FXYD6: variants seen among roughly 807,000 people sequenced by gnomAD.
FXYD6 encodes the protein FXYD domain containing ion transport regulator 6.
Under a neutral mutation model 16.7 loss-of-function variants are expected in FXYD6, and 7 were observed. The observed-to-expected ratio is 0.42, with a 90% CI of 0.24 to 0.79. The LOEUF is 0.79. Among genes scored for constraint, FXYD6 ranks in the 30% least tolerant of loss-of-function variants. The pLI, the probability that FXYD6 is intolerant of heterozygous loss-of-function variation, is 0.28. For synonymous variants in FXYD6, 49 were observed against 43.0 expected (o/e 1.14, Z -0.54); for missense variants, 111 against 116.2 (o/e 0.95, Z 0.21).
Position 117,872,508 on chromosome 11 carries a change from C to A in FXYD6, c.-6+4084G>T, listed in dbSNP as rs1046164559. Among the ~76,000 whole-genome samples the A allele has an allele frequency of 6.6e-6, 1 of 152,174 alleles. No individual in the cohort carries two copies. Among genetic ancestry groups the A allele is most frequent in the Non-Finnish European group, 1.5e-5 (1 of 68,022 alleles). On this transcript the variant is annotated intron_variant, in intron 1 of 7. Coordinates refer to ENST00000526014, the MANE Select transcript of FXYD6 (RefSeq NM_022003.4). The surrounding 1 kb of genome is among the most constrained non-coding windows in gnomAD (Gnocchi z 4.9). ...GGGGAACATTTATTAAAAGGATGAA[C>A]GAGGGAGTTTGAAACCTTAGCCTCT...
At chr11:117,839,986 G>A in intron 6 of FXYD6, 156 bp from the exon 7 acceptor site, 1 of 895,494 alleles carries the variant, frequency 1.1e-6, no homozygotes. Flanking sequence ...TCCTGGCCCT[G>A]CTACTTGCTG....
At position 117,841,092 on chromosome 11, in the gene FXYD6, C is replaced by T. The variant is rs2056330076; in HGVS notation, c.209+56G>A. 1.4e-5 allele frequency: 22 copies of T among 1,608,602 alleles called. No individual in the cohort carries two copies. In the South Asian group the frequency reaches 1.9e-4, roughly 14 times the overall value. On this transcript the variant is annotated intron_variant, in intron 5 of 7. Transcript: ENST00000526014. ...CATTTGGGGGTCACACACCAGGGGT[C>T]CCTTCCTGTCCCACCTAGTATCACC... is the stretch of plus-strand genomic sequence containing the variant.
chr11:117,852,764 T>G (rs1482134664), intron 1 of FXYD6, among the ~76,000 whole-genome samples: 1 of 152,248 alleles, frequency 6.6e-6, no homozygotes, highest in Non-Finnish European at 1.5e-5. Context: ...TAGAAGCAGG[T>G]TAGACATCCT....
rs1406023038 is a variant in FXYD6 at position 117,870,617 on chromosome 11, T to C, written c.-6+5975A>G. 1.3e-5 allele frequency among the ~76,000 whole-genome samples: 2 copies of C among 152,206 alleles called. No homozygotes were observed. The highest frequency in any genetic ancestry group is 4.8e-5 in the African/African-American group (2 of 41,458). On this transcript the variant is annotated intron_variant, in intron 1 of 7. Transcript: ENST00000526014. This position sits in a 1 kb window ranked among gnomAD's most constrained non-coding sequence, Gnocchi z 4.2. ...CTACAGGGCACTTTGCACAATTTCA[T>C]ATTGTCTCCCTTTTAGGGGTAGAAG...
At chr11:117,866,897 C>T (rs1024223665) in intron 1 of FXYD6, among the ~76,000 whole-genome samples, 4 of 152,168 alleles carry the variant, frequency 2.6e-5, no homozygotes, top group African/African-American at 9.7e-5. Context: ...TCTGGTATGG[C>T]TCAGAATTAG....
chr11:117,849,536 CT>C (rs60624638), intron 1 of FXYD6, among the ~76,000 whole-genome samples: 6,054 of 142,070 alleles, frequency 0.043, 203 homozygotes, highest in African/African-American at 0.098. Context: ...GTTTAAATTT[CT>C]TTTTTTTTTT....
At chr11:117,848,828 C>G (rs1356387707) in intron 1 of FXYD6, among the ~76,000 whole-genome samples, 2 of 152,078 alleles carry the variant, frequency 1.3e-5, no homozygotes, top group Non-Finnish European at 2.9e-5. Flanking sequence ...CTGTTTTTTT[C>G]ATTCCTAATG....
rs1350517507 is a variant in FXYD6 at position 117,870,734 on chromosome 11, T to C, written c.-6+5858A>G. 6.6e-6 allele frequency among the ~76,000 whole-genome samples: 1 copy of C among 152,222 alleles called. No individual in the cohort carries two copies. Among genetic ancestry groups the C allele is most frequent in the African/African-American group, 2.4e-5 (1 of 41,450 alleles). On this transcript the variant is annotated intron_variant, in intron 1 of 7. Transcript: ENST00000526014. The surrounding 1 kb of genome is among the most constrained non-coding windows in gnomAD (Gnocchi z 4.2). ...GGGGCTGTTGACCTGACTCTGTCTC[T>C]GTTTCAGGAAACACATTATCCCCTC...
intron 1 of FXYD6, among the ~76,000 whole-genome samples, chr11:117,868,615 A>C (rs914378241): frequency 5.9e-5 from 9 of 152,188 alleles, no homozygotes; most frequent in African/African-American, 2.2e-4. Context: ...AAAGGACATA[A>C]GGTACAAACG....
At chr11:117,839,030 G>A (rs927813668) in intron 7 of FXYD6, 1 of 153,192 alleles carries the variant, frequency 6.5e-6, no homozygotes, top group Non-Finnish European at 1.5e-5. Context: ...TCCAGGGCAT[G>A]TCATAAAGCG....
At chr11:117,840,890 C>T (rs567262732) in intron 5 of FXYD6, among the ~76,000 whole-genome samples, 65 of 152,164 alleles carry the variant, frequency 4.3e-4, no homozygotes, top group African/African-American at 1.5e-3. Context: ...AGAAAAGGTT[C>T]CAGTACTTTC....
chr11:117,852,121 C>A (rs2056623845), intron 1 of FXYD6, among the ~76,000 whole-genome samples: 1 of 152,246 alleles, frequency 6.6e-6, no homozygotes, highest in South Asian at 2.1e-4. Context: ...AACCTCAGTT[C>A]TTCTACCACA....
chr11:117,840,647 C>G (rs74331448), intron 5 of FXYD6, among the ~76,000 whole-genome samples: 1,774 of 152,274 alleles, frequency 0.012, 40 homozygotes, highest in African/African-American at 0.039. Context: ...CTGCCACACG[C>G]TTTGGACTTC....
At chr11:117,866,952 G>T (rs2057025929) in intron 1 of FXYD6, among the ~76,000 whole-genome samples, 1 of 152,146 alleles carries the variant, frequency 6.6e-6, no homozygotes, top group African/African-American at 2.4e-5. Flanking sequence ...ACTCAAAAAT[G>T]TATCTGCCTC....
intron 1 of FXYD6, among the ~76,000 whole-genome samples, chr11:117,866,884 T>G (rs542245333): frequency 4.7e-4 from 72 of 152,304 alleles, no homozygotes; most frequent in Non-Finnish European, 8.8e-4. Context: ...GATCACCTTT[T>G]TTTCTGGTAT....
intron 1 of FXYD6, among the ~76,000 whole-genome samples, chr11:117,874,884 C>T (rs538606653): frequency 7.2e-5 from 11 of 152,310 alleles, no homozygotes; most frequent in Admixed American, 5.9e-4. Flanking sequence ...CCTTCCCTTC[C>T]AGGTTTAGGG....
chr11:117,856,121 G>A (rs913975129), intron 1 of FXYD6, among the ~76,000 whole-genome samples: 5 of 152,084 alleles, frequency 3.3e-5, no homozygotes, highest in Admixed American at 6.5e-5. Flanking sequence ...CTGCATGTGC[G>A]GGAGAAAGCA....
chr11:117,840,277 G>C, intron 6 of FXYD6, 42 bp downstream of exon 6: 1 of 1,613,764 alleles, frequency 6.2e-7, no homozygotes, highest in South Asian at 1.1e-5. Flanking sequence ...GGGTCTCTCT[G>C]TTCCCTCTTT....
At chr11:117,841,127 C>T in intron 5 of FXYD6, 21 bp downstream of exon 5, 2 of 1,614,006 alleles carry the variant, frequency 1.2e-6, no homozygotes, top group Non-Finnish European at 1.7e-6. Context: ...CCCCCCAAGG[C>T]CACTGCCACG....
Sources: gnomAD v4.1 joint callset for allele counts (sites outside exome capture counted in the v4.1 genomes callset) on GRCh38, gnomAD v4.1.1 for gene constraint, Gnocchi (gnomAD v3.1) non-coding constraint, MANE v1.5 for transcripts, NCBI Gene and HGNC (gene_info 2026-07-23, HGNC 2026-07-21) for gene names.